Variants in INPP5F observed in about 807,000 individuals in gnomAD.
The protein encoded by INPP5F is inositol polyphosphate-5-phosphatase F.
Under a neutral mutation model 137.2 loss-of-function variants are expected in INPP5F, and 97 were observed. The ratio of observed to expected loss-of-function variants is 0.71; its 90% CI spans 0.60 to 0.84. The LOEUF (loss-of-function observed/expected upper bound fraction) is 0.84, where lower values mean the gene tolerates loss of function less well. INPP5F is among the 40% of genes least tolerant of loss of function. The pLI, the probability that INPP5F is intolerant of heterozygous loss-of-function variation, is 0.00. For synonymous variants in INPP5F, 504 were observed against 476.9 expected (o/e 1.06, Z -0.74); for missense variants, 1,271 against 1,371.9 (o/e 0.93, Z 1.16).
rs547417420 is a variant in INPP5F at position 119,763,722 on chromosome 10, A to G, written c.178+12566A>G. Among the ~76,000 whole-genome samples, 3 of 152,302 alleles carry G rather than the reference A, an allele frequency of 2.0e-5. No homozygotes were observed. The South Asian group carries it at 6.2e-4, about 32-fold the overall frequency. ...TCCATAGTCTGGCTAGAACTTTTCA[A>G]ATCTTTAAGTTCTACTTCATTTTTG... On this transcript the variant is annotated intron_variant, in intron 2 of 19. Coordinates refer to ENST00000650623, the MANE Select transcript of INPP5F (RefSeq NM_014937.4).
chr10:119,751,323 T>C (rs985068578), intron 2 of INPP5F, among the ~76,000 whole-genome samples, 167 bp downstream of exon 2: 1 of 152,226 alleles, frequency 6.6e-6, no homozygotes, highest in African/African-American at 2.4e-5. Context: ...TCTACTCTTA[T>C]GGAGCTTACA....
intron 11 of INPP5F, among the ~76,000 whole-genome samples, chr10:119,805,998 A>G (rs1244634597): frequency 2.6e-5 from 4 of 152,074 alleles, no homozygotes; most frequent in African/African-American, 9.7e-5. Flanking sequence ...TGTTTTGGAG[A>G]GTTTAGGTGC....
intron 2 of INPP5F, among the ~76,000 whole-genome samples, chr10:119,754,563 C>G (rs926244245): frequency 6.6e-6 from 1 of 152,148 alleles, no homozygotes; most frequent in African/African-American, 2.4e-5. Context: ...GGGAAATTCT[C>G]TTAATTTTTC....
chr10:119,752,018 C>T (rs1848703215), intron 2 of INPP5F, among the ~76,000 whole-genome samples: 1 of 152,064 alleles, frequency 6.6e-6, no homozygotes, highest in South Asian at 2.1e-4. Context: ...GGAGGCTTTG[C>T]CATTATTTCT....
At chr10:119,809,415 G>GT (rs1850938184) in intron 13 of INPP5F, among the ~76,000 whole-genome samples, 1 of 152,064 alleles carries the variant, frequency 6.6e-6, no homozygotes, top group Admixed American at 6.6e-5. Context: ...TAAATTGTCG[G>GT]TTTTTGGACT....
chr10:119,770,139 T>A (rs196199), intron 2 of INPP5F, among the ~76,000 whole-genome samples: 54,827 of 151,960 alleles, frequency 0.36, 10,113 homozygotes, highest in South Asian at 0.46. Context: ...CAGTTTTTTT[T>A]ATCTTGCTGG....
At chr10:119,821,048 C>T in intron 16 of INPP5F, 131 bp downstream of exon 16, 1 of 635,262 alleles carries the variant, frequency 1.6e-6, no homozygotes, top group African/African-American at 1.8e-5. Context: ...TCATTGAACC[C>T]CTTTACCTTA....
At chr10:119,745,934 A>G (rs1046643316) in intron 1 of INPP5F, among the ~76,000 whole-genome samples, 1 of 151,578 alleles carries the variant, frequency 6.6e-6, no homozygotes, top group African/African-American at 2.4e-5. Flanking sequence ...TGAACTCCTG[A>G]CCTGTGATCC....
intron 16 of INPP5F, 74 bp from the exon 17 acceptor site, chr10:119,822,357 T>C (rs1350410682): frequency 1.4e-6 from 1 of 695,834 alleles, no homozygotes; most frequent in Non-Finnish European, 2.4e-6. Context: ...AGTTTGCAGC[T>C]ATTATGCCTT....
chr10:119,746,983 T>G (rs1848553758), intron 1 of INPP5F, among the ~76,000 whole-genome samples: 1 of 152,094 alleles, frequency 6.6e-6, no homozygotes, highest in Non-Finnish European at 1.5e-5. Context: ...GAGATGGGGT[T>G]TCTCCATGTT....
rs764911516 is a variant in INPP5F at position 119,798,643 on chromosome 10, TTCA to T, written c.1116+36_1116+38del. The T allele has an allele frequency of 1.1e-5, 16 of 1,434,440 alleles. No individual in the cohort carries two copies. In the African/African-American group the frequency reaches 2.1e-4, roughly 19 times the overall value. 88.9% of individuals were successfully genotyped at this position (1,434,440 alleles called of 1,614,324 possible). A position where few individuals can be genotyped will look rare whatever the true frequency, so the allele number is the denominator to read the frequency against. Reference sequence around the variant, plus strand: ...TTGATTTACAGTAGTAAAATGTTCCTTCATCTTTAGAAATAACTTTTTCTTTAA... The same window carrying T: ...TTGATTTACAGTAGTAAAATGTTCCTTCTTTAGAAATAACTTTTTCTTTAA... On this transcript the variant is annotated intron_variant, in intron 9 of 19. Transcript: ENST00000650623.
Position 119,827,528 on chromosome 10 carries a change from T to G in INPP5F, c.3147T>G (p.Leu1049=), listed in dbSNP as rs1425937100. ...TPTSASSMLE[L]ETGLHVTPSP... Reference sequence around the variant, plus strand: ...CCTCCGCTTCCAGCATGCTTGAACTTGAGACAGGGCTTCATGTAACTCCTT... The same window carrying G: ...CCTCCGCTTCCAGCATGCTTGAACTGGAGACAGGGCTTCATGTAACTCCTT... Residue 1049 remains leucine (L), a synonymous_variant, in exon 20 of 20, where the codon CTT becomes CTG. Transcript: ENST00000650623. 2 of 1,614,148 alleles carry G rather than the reference T, an allele frequency of 1.2e-6. No individual in the cohort carries two copies. The highest frequency in any genetic ancestry group is 3.3e-5 in the Admixed American group (2 of 60,016).
intron 17 of INPP5F, 99 bp downstream of exon 17, chr10:119,822,603 T>G (rs1851610746): frequency 1.7e-6 from 1 of 586,366 alleles, no homozygotes; most frequent in Non-Finnish European, 3.0e-6. Context: ...AAGTTTCACC[T>G]ACAAATGCTT....
Position 119,757,780 on chromosome 10 carries a change from G to A in INPP5F, c.178+6624G>A, listed in dbSNP as rs911134666. Among the ~76,000 whole-genome samples the A allele has an allele frequency of 2.0e-5, 3 of 151,642 alleles. No individual in the cohort carries two copies. In the South Asian group the frequency reaches 6.4e-4, roughly 32 times the overall value. ...CACTCCAGCCTGGGTGACAGAGTGA[G>A]ACTCCATCTCAAAAAAAAAGAATGG... On this transcript the variant is annotated intron_variant, in intron 2 of 19. Coordinates refer to ENST00000650623, the MANE Select transcript of INPP5F (RefSeq NM_014937.4).
intron 7 of INPP5F, among the ~76,000 whole-genome samples, chr10:119,797,255 G>T (rs895581036): frequency 2.2e-4 from 33 of 152,120 alleles, no homozygotes; most frequent in African/African-American, 7.2e-4. Context: ...TTCTCTTTCA[G>T]TTCAGAGGAA....
chr10:119,782,591 G>A (rs1849744050), intron 3 of INPP5F, among the ~76,000 whole-genome samples: 1 of 152,154 alleles, frequency 6.6e-6, no homozygotes, highest in Non-Finnish European at 1.5e-5. Context: ...TGAGGCTGGA[G>A]GATTGCTTGA....
At chr10:119,761,062 A>G (rs987220325) in intron 2 of INPP5F, among the ~76,000 whole-genome samples, 3 of 152,192 alleles carry the variant, frequency 2.0e-5, no homozygotes, top group Non-Finnish European at 4.4e-5. Flanking sequence ...TCTATTTCTT[A>G]TAGTTACAAG....
intron 15 of INPP5F, chr10:119,819,076 C>T (rs1043562456): frequency 1.3e-5 from 2 of 153,530 alleles, no homozygotes; most frequent in African/African-American, 4.8e-5. Flanking sequence ...TGGCAATTTT[C>T]GTCTTCATAG....
Position 119,792,037 on chromosome 10 carries a change from G to A in INPP5F, c.612+1G>A. Reference sequence around the variant, plus strand: ...GGACGGTCGGCCCCTCTGGCAGAAGGTACCACTCACAGCTCGTAGAGCAGG... The same window carrying A: ...GGACGGTCGGCCCCTCTGGCAGAAGATACCACTCACAGCTCGTAGAGCAGG... On this transcript the variant is annotated splice_donor_variant, in intron 5 of 19. Transcript: ENST00000650623. LOFTEE classifies it high-confidence loss of function. 6.2e-7 allele frequency: 1 copy of A among 1,614,186 alleles called. No homozygotes were observed. Among genetic ancestry groups the A allele is most frequent in the Non-Finnish European group, 8.5e-7 (1 of 1,180,028 alleles).
Sources: gnomAD v4.1 joint callset for allele counts (sites outside exome capture counted in the v4.1 genomes callset) on GRCh38, gnomAD v4.1.1 for gene constraint, MANE v1.5 for transcripts, NCBI Gene and HGNC (gene_info 2026-07-23, HGNC 2026-07-21) for gene names.